LRRC61: variants seen among roughly 807,000 people sequenced by gnomAD.
LRRC61 encodes the protein leucine rich repeat containing 61, also known as leucine-rich repeat-containing protein 61.
LRRC61 carries 9 observed loss-of-function variants against 15.1 expected under a neutral mutation model. The observed-to-expected ratio is 0.60, with a 90% confidence interval of 0.36 to 1.04. The LOEUF (loss-of-function observed/expected upper bound fraction) is 1.04. Among genes scored for constraint, LRRC61 ranks in the 50% least tolerant of loss-of-function variants. The pLI is 0.01. For missense variants in LRRC61, 344 were observed against 335.6 expected, an observed-to-expected ratio of 1.03 and a Z score of -0.20; for synonymous variants, 173 against 158.6, an observed-to-expected ratio of 1.09 and a Z score of -0.68.
At chr7:150,326,852 G>C (rs1983440) in intron 2 of LRRC61, among the ~76,000 whole-genome samples, 38,871 of 152,076 alleles carry the variant, frequency 0.26, 5,160 homozygotes, top group East Asian at 0.42. Context: ...AGCAGCCTGT[G>C]TTTCCTTTGC....
chr7:150,314,610 T>G, the LRRC61 span, among the ~76,000 whole-genome samples: 1 of 152,142 alleles, frequency 6.6e-6, no homozygotes, highest in Admixed American at 6.5e-5. Flanking sequence ...GCAATATTTT[T>G]GTGCTTTTCT....
chr7:150,314,127 T>C, the LRRC61 span, among the ~76,000 whole-genome samples: 2 of 152,160 alleles, frequency 1.3e-5, no homozygotes, highest in Non-Finnish European at 2.9e-5. Context: ...AGCTTGCTCA[T>C]GTGGCACTGG....
At chr7:150,322,855 C>A (rs183025131), upstream of LRRC61, 6 of 152,430 alleles carry the variant, frequency 3.9e-5, no homozygotes, top group Admixed American at 1.3e-4. Context: ...GGGTGGATTT[C>A]CTGAACCGAC....
At chr7:150,315,272 C>A in the LRRC61 span, among the ~76,000 whole-genome samples, 1 of 151,876 alleles carries the variant, frequency 6.6e-6, no homozygotes, top group African/African-American at 2.4e-5. Flanking sequence ...TAAAATTGAA[C>A]GTCATCGTGA....
chr7:150,336,614 T>G, intron 2 of LRRC61, 104 bp from the exon 3 acceptor site: 10 of 570,130 alleles, frequency 1.8e-5, no homozygotes, highest in East Asian at 3.0e-5. Context: ...CTTGCCTGGC[T>G]GAGATTGTTG....
At chr7:150,326,380 T>A (rs1435370906) in intron 2 of LRRC61, among the ~76,000 whole-genome samples, 2 of 152,124 alleles carry the variant, frequency 1.3e-5, no homozygotes, top group East Asian at 3.8e-4. Context: ...GGGTAGGTCT[T>A]AAGATGAAGA....
chr7:150,330,578 C>T lies in LRRC61; in HGVS notation c.-145+4568C>T, dbSNP rs776921441. 1.9e-5 allele frequency: 15 copies of T among 790,552 alleles called. No individual in the cohort carries two copies. Among genetic ancestry groups the T allele is most frequent in the East Asian group, 7.3e-5 (3 of 41,296 alleles). 49.0% of individuals were successfully genotyped at this position (790,552 alleles called of 1,614,324 possible). On this transcript the variant is annotated intron_variant, in intron 2 of 2. Transcript: ENST00000359623. The surrounding 1 kb of genome is among the most constrained non-coding windows in gnomAD (Gnocchi z 4.6). ...AGGGGTTGGCCCGGCAGCTCTGCACCGACTGTCAGCTCAACAAGCTCTTCT... is the reference window on the plus strand; with the variant it reads ...AGGGGTTGGCCCGGCAGCTCTGCACTGACTGTCAGCTCAACAAGCTCTTCT...
intron 2 of LRRC61, among the ~76,000 whole-genome samples, chr7:150,336,371 A>C (rs1264561755): frequency 6.6e-6 from 1 of 152,244 alleles, no homozygotes; most frequent in East Asian, 1.9e-4. Context: ...CGGTTTAAAA[A>C]ACACCCCAAA....
chr7:150,334,034 T>C (rs1319955689), intron 2 of LRRC61: 2 of 985,170 alleles, frequency 2.0e-6, no homozygotes, highest in African/African-American at 1.7e-5. Flanking sequence ...GAAGGGCCGA[T>C]TTCTGTCCCG....
At chr7:150,321,393 G>A (rs553249965), upstream of LRRC61, among the ~76,000 whole-genome samples, 27 of 152,236 alleles carry the variant, frequency 1.8e-4, no homozygotes, top group Non-Finnish European at 2.8e-4. Flanking sequence ...TCCATATAAT[G>A]GAGAAACTAA....
In LRRC61 at chr7:150,325,952, A is replaced by G. The variant is rs1384760408; in HGVS notation, c.-203A>G. 6.6e-6 allele frequency: 1 copy of G among 152,640 alleles called. No homozygotes were observed. Among genetic ancestry groups the G allele is most frequent in the African/African-American group, 2.4e-5 (1 of 41,452 alleles). 9.5% of individuals were successfully genotyped at this position (152,640 alleles called of 1,614,324 possible). Reference sequence around the variant, plus strand: ...CACTGTTGTACCAGTGATGACACAAAATCCCAGATCTACCTGACGGGCCTG... The same window carrying G: ...CACTGTTGTACCAGTGATGACACAAGATCCCAGATCTACCTGACGGGCCTG... On this transcript the variant is annotated 5_prime_UTR_variant, in exon 2 of 3. Transcript: ENST00000359623.
chr7:150,320,661 G>A (rs1797412229), upstream of LRRC61, among the ~76,000 whole-genome samples: 1 of 152,202 alleles, frequency 6.6e-6, no homozygotes, highest in Admixed American at 6.5e-5. Flanking sequence ...TACTTCGAAG[G>A]CTGAAGCAGG....
chr7:150,316,511 C>A, the LRRC61 span, among the ~76,000 whole-genome samples: 1 of 110,348 alleles, frequency 9.1e-6, no homozygotes, highest in East Asian at 2.7e-4. Context: ...TTTTTTGAGG[C>A]GGAGTCTCAC....
chr7:150,337,611 T>A lies in LRRC61; in HGVS notation c.750T>A (p.Ser250=). The change falls in exon 3 of 3, where the codon TCT becomes TCA. Residue 250 remains serine (S), a synonymous_variant. Coordinates refer to ENST00000359623, the MANE Select transcript of LRRC61 (RefSeq NM_001142928.2). Reference sequence around the variant, plus strand: ...CCCAGGCGGAGCAGGTACTCAGCTCTGCGGGCCCCACCTCTTCCTTCGTCT... The same window carrying A: ...CCCAGGCGGAGCAGGTACTCAGCTCAGCGGGCCCCACCTCTTCCTTCGTCT... ...SLAQAEQVLS[S]AGPTSSFVF 1 of 1,538,914 alleles carries A rather than the reference T, an allele frequency of 6.5e-7. No homozygotes were observed. Among genetic ancestry groups the A allele is most frequent in the Non-Finnish European group, 8.7e-7 (1 of 1,145,610 alleles).
intron 2 of LRRC61, among the ~76,000 whole-genome samples, chr7:150,327,431 C>T (rs796948693): frequency 6.6e-6 from 1 of 152,000 alleles, no homozygotes; most frequent in African/African-American, 2.4e-5. Flanking sequence ...CCCCTAAATT[C>T]AAGATTTCAC....
At chr7:150,336,216 T>G (rs977399352) in intron 2 of LRRC61, among the ~76,000 whole-genome samples, 40 of 152,300 alleles carry the variant, frequency 2.6e-4, no homozygotes, top group Non-Finnish European at 4.7e-4. Context: ...TTTGAATTCA[T>G]TGCTGTTAGA....
upstream of LRRC61, among the ~76,000 whole-genome samples, chr7:150,321,765 A>G (rs946022156): frequency 2.0e-5 from 3 of 152,162 alleles, no homozygotes; most frequent in Non-Finnish European, 4.4e-5. Context: ...AAAATAAAAA[A>G]CTTGGATAAA....
chr7:150,334,834 C>A (rs1798234940), intron 2 of LRRC61, among the ~76,000 whole-genome samples: 1 of 152,190 alleles, frequency 6.6e-6, no homozygotes, highest in African/African-American at 2.4e-5. Flanking sequence ...GCCTGGCCAA[C>A]ATGATGAAAC....
At chr7:150,316,480 G>GT in the LRRC61 span, among the ~76,000 whole-genome samples, 21 of 131,732 alleles carry the variant, frequency 1.6e-4, 1 homozygote, top group South Asian at 2.4e-4. Context: ...TTAGAATCTG[G>GT]TTATTTTTTT....
Sources: gnomAD v4.1 joint callset for allele counts (sites outside exome capture counted in the v4.1 genomes callset) on GRCh38, gnomAD v4.1.1 for gene constraint, Gnocchi (gnomAD v3.1) non-coding constraint, MANE v1.5 for transcripts, NCBI Gene and HGNC (gene_info 2026-07-23, HGNC 2026-07-21) for gene names.